Variants in RYR1 observed in about 807,000 individuals in gnomAD.
RYR1 encodes ryanodine receptor 1.
A neutral mutation model predicts 583.5 loss-of-function variants in RYR1; 342 were observed. The observed-to-expected ratio is 0.59, with a 90% CI of 0.54 to 0.64. The LOEUF (loss-of-function observed/expected upper bound fraction) is 0.64. Among genes scored for constraint, RYR1 ranks in the 30% least tolerant of loss-of-function variants. The pLI is 0.00. For synonymous variants in RYR1, 2,791 were observed against 2,822.5 expected (o/e 0.99, Z 0.35); for missense variants, 6,032 against 6,917.2 (o/e 0.87, Z 4.54).
intron 19 of RYR1, among the ~76,000 whole-genome samples, chr19:38,459,915 C>T (rs1020559990): frequency 2.6e-4 from 39 of 152,154 alleles, no homozygotes; most frequent in Non-Finnish European, 3.4e-4. Context: ...ATTCCAAAGA[C>T]CCCCCAATGA....
intron 38 of RYR1, among the ~76,000 whole-genome samples, chr19:38,493,040 G>A (rs943819353): frequency 3.4e-4 from 52 of 151,990 alleles, no homozygotes; most frequent in Admixed American, 5.2e-4. Context: ...CTGCACTCCA[G>A]CCTGGGTGAC....
Position 38,527,660 on chromosome 19 carries a change from C to G in RYR1, c.10700C>G (p.Pro3567Arg). 1.9e-6 allele frequency: 3 copies of G among 1,614,124 alleles called. No individual in the cohort carries two copies. The highest frequency in any genetic ancestry group is 1.7e-6 in the Non-Finnish European group (2 of 1,180,024). Residue 3567 changes from proline to arginine, a missense_variant, in exon 73 of 106, where the codon CCG becomes CGG. This residue lies in a region of RYR1 where 1,493 missense variants were observed against 1,715.5 expected (regional missense o/e 0.87). Transcript: ENST00000359596. Reference protein sequence around the residue: ...LHLQGKVEGSPSLRWQMALYR... With the variant: ...LHLQGKVEGSRSLRWQMALYR... The stretch of plus-strand genomic sequence containing the variant: ...TCCTCCCTTCAGGTCGAAGGCTCCC[C>G]GTCTCTGCGCTGGCAGATGGCTCTG...
chr19:38,470,509 G>T (rs1968369323), intron 27 of RYR1, among the ~76,000 whole-genome samples: 1 of 151,900 alleles, frequency 6.6e-6, no homozygotes. Flanking sequence ...GGAGGCCAAG[G>T]CGGGCAGATC....
In RYR1 at chr19:38,561,624, G is replaced by A. The variant is rs1973148006; in HGVS notation, c.12624+170G>A. On this transcript the variant is annotated intron_variant, in intron 90 of 105. Coordinates refer to ENST00000359596, the MANE Select transcript of RYR1 (RefSeq NM_000540.3). This position sits in a 1 kb window ranked among gnomAD's most constrained non-coding sequence, Gnocchi z 4.8. ...ACACATTTCGTCCAGCTGCGCCCTT[G>A]CACATCCCTGGCTCGCCCCTGGCCA... is the stretch of plus-strand genomic sequence containing the variant. 6.6e-6 allele frequency among the ~76,000 whole-genome samples: 1 copy of A among 152,208 alleles called. No individual in the cohort carries two copies. The highest frequency in any genetic ancestry group is 1.5e-5 in the Non-Finnish European group (1 of 68,028).
Position 38,455,268 on chromosome 19 carries a change from C to A in RYR1, c.1474C>A (p.Arg492Ser), listed in dbSNP as rs199826952. 1 of 1,613,988 alleles carries A rather than the reference C, an allele frequency of 6.2e-7. No individual in the cohort carries two copies. Among genetic ancestry groups the A allele is most frequent in the Non-Finnish European group, 8.5e-7 (1 of 1,179,998 alleles). The change falls in exon 14 of 106, where the codon CGC (arginine) becomes AGC (serine). Residue 492 changes from arginine (R) to serine (S), a missense_variant. This residue lies in a region of RYR1 where 2,627 missense variants were observed against 2,961.3 expected (regional missense o/e 0.89). Coordinates refer to ENST00000359596, the MANE Select transcript of RYR1 (RefSeq NM_000540.3). ...CTCCATGGTCCTGAATTGCATAGAC[C>A]GCCTAAATGTCTACACCACTGCTGC... ...MLSMVLNCIDRLNVYTTAAHF... is the reference protein window; with the variant it reads ...MLSMVLNCIDSLNVYTTAAHF...
At chr19:38,549,976 G>C (rs1034077460) in intron 89 of RYR1, among the ~76,000 whole-genome samples, 17 of 149,836 alleles carry the variant, frequency 1.1e-4, no homozygotes, top group Non-Finnish European at 2.1e-4. Flanking sequence ...GGCTGGTCTT[G>C]AACTCCTGGC....
intron 89 of RYR1, among the ~76,000 whole-genome samples, chr19:38,552,258 C>CTTT (rs950863189): frequency 2.1e-5 from 3 of 142,266 alleles, no homozygotes; most frequent in African/African-American, 7.7e-5. Flanking sequence ...AGCAGGACTG[C>CTTT]TTTTTTTTTT....
At chr19:38,439,627 C>T (rs2145315734) in intron 1 of RYR1, among the ~76,000 whole-genome samples, 1 of 152,272 alleles carries the variant, frequency 6.6e-6, no homozygotes, top group Middle Eastern at 3.4e-3. Context: ...CTGGCTCAGA[C>T]TCCCGAGTAG....
intron 31 of RYR1, among the ~76,000 whole-genome samples, chr19:38,481,052 T>C (rs1968984235): frequency 1.3e-5 from 2 of 152,152 alleles, no homozygotes; most frequent in South Asian, 4.1e-4. Context: ...TTTATTTTAA[T>C]TTATTAAGAC....
chr19:38,453,107 G>C (rs1459187165), intron 13 of RYR1, 93 bp downstream of exon 13: 11 of 1,348,104 alleles, frequency 8.2e-6, no homozygotes, highest in Non-Finnish European at 9.3e-6. Flanking sequence ...GGCAGGGCCT[G>C]AGGGACCTGG....
intron 67 of RYR1, among the ~76,000 whole-genome samples, chr19:38,522,819 G>A (rs768956438): frequency 2.6e-5 from 4 of 151,824 alleles, no homozygotes; most frequent in East Asian, 3.9e-4. Flanking sequence ...GTGTGGTGTC[G>A]GGCCCCTGTA....
rs2145719865 is a variant in RYR1, at chr19:38,527,667, G to C, written c.10707G>C (p.Leu3569=). Reference sequence around the variant, plus strand: ...TTCAGGTCGAAGGCTCCCCGTCTCTGCGCTGGCAGATGGCTCTGTACCGGG... The same window carrying C: ...TTCAGGTCGAAGGCTCCCCGTCTCTCCGCTGGCAGATGGCTCTGTACCGGG... ...LQGKVEGSPS[L]RWQMALYRGV... is the part of the protein sequence containing the mutation. Residue 3569 remains leucine (L), a synonymous_variant, in exon 73 of 106, where the codon CTG becomes CTC. Coordinates refer to ENST00000359596, the MANE Select transcript of RYR1 (RefSeq NM_000540.3). The C allele has an allele frequency of 1.9e-6, 3 of 1,614,170 alleles. No homozygotes were observed. The highest frequency in any genetic ancestry group is 3.3e-4 in the Middle Eastern group (2 of 6,062).
At chr19:38,552,627 C>G (rs992411322) in intron 89 of RYR1, among the ~76,000 whole-genome samples, 1 of 152,172 alleles carries the variant, frequency 6.6e-6, no homozygotes, top group Non-Finnish European at 1.5e-5. Flanking sequence ...CTTAAGGTCA[C>G]CCATCTTAAT....
At chr19:38,553,085 C>T (rs1179070927) in intron 89 of RYR1, among the ~76,000 whole-genome samples, 1 of 152,084 alleles carries the variant, frequency 6.6e-6, no homozygotes, top group Non-Finnish European at 1.5e-5. Context: ...GTAATCTCAA[C>T]ACTTTGGGAG....
At chr19:38,557,813 G>C (rs1318438842) in intron 89 of RYR1, among the ~76,000 whole-genome samples, 1 of 149,970 alleles carries the variant, frequency 6.7e-6, no homozygotes, top group Non-Finnish European at 1.5e-5. Context: ...TCAAAAAAAA[G>C]AAATAAAAAT....
In RYR1 at chr19:38,534,007, T is replaced by A. The variant is rs1302701749; in HGVS notation, c.11260-713T>A. On this transcript the variant is annotated intron_variant, in intron 78 of 105. Transcript: ENST00000359596. Reference sequence around the variant, plus strand: ...AATGTGATATGGAACCATCTGTAATTTTTTTTTTTTTTTTTTTTGAGACAG... The same window carrying A: ...AATGTGATATGGAACCATCTGTAATATTTTTTTTTTTTTTTTTTGAGACAG... 5.4e-5 allele frequency among the ~76,000 whole-genome samples: 6 copies of A among 110,376 alleles called. No individual in the cohort carries two copies. In the East Asian group the frequency reaches 1.7e-3, roughly 32 times the overall value. 72.4% of individuals were successfully genotyped at this position (110,376 alleles called of 152,430 possible).
chr19:38,569,091 A>G (rs1431807645), intron 93 of RYR1, among the ~76,000 whole-genome samples: 1 of 152,004 alleles, frequency 6.6e-6, no homozygotes, highest in East Asian at 2.0e-4. Context: ...GCTCACTGCA[A>G]GCTCTGACTC....
intron 28 of RYR1, 92 bp from the exon 29 acceptor site, chr19:38,475,226 T>C (rs989209608): frequency 6.6e-7 from 1 of 1,510,076 alleles, no homozygotes; most frequent in Non-Finnish European, 9.0e-7. Flanking sequence ...AGAAGCAGGG[T>C]GTATCCAAGC....
At chr19:38,530,515 C>T (rs1414752861) in intron 76 of RYR1, among the ~76,000 whole-genome samples, 1 of 151,810 alleles carries the variant, frequency 6.6e-6, no homozygotes, top group Non-Finnish European at 1.5e-5. Flanking sequence ...AGCAATCCTC[C>T]CCACTCAGCC....
Sources: allele counts gnomAD v4.1 joint callset (sites outside exome capture counted in the v4.1 genomes callset), GRCh38; gene constraint gnomAD v4.1.1; regional missense constraint gnomAD v4.1.1; non-coding constraint Gnocchi (gnomAD v3.1); transcripts MANE v1.5; gene names NCBI Gene and HGNC (gene_info 2026-07-23, HGNC 2026-07-21).